The following AKT1 variants were observed in gnomAD, a reference collection of about 807,000 sequenced individuals.
AKT1 encodes AKT serine/threonine kinase 1.
In AKT1, 21 loss-of-function variants were observed where a neutral mutation model predicts 63.1. That is an observed-to-expected ratio of 0.33 (90% CI 0.24 to 0.48). The LOEUF is 0.48. AKT1 is among the 20% of genes least tolerant of loss of function. The pLI, the probability that AKT1 is intolerant of heterozygous loss-of-function variation, is 0.99. For synonymous variants in AKT1, 257 were observed against 253.1 expected, an observed-to-expected ratio of 1.02 and a Z score of -0.15; for missense variants, 382 against 666.0, an observed-to-expected ratio of 0.57 and a Z score of 4.69.
intron 13 of AKT1, chr14:104,772,152 A>T: frequency 1.7e-6 from 1 of 605,988 alleles, no homozygotes; most frequent in Non-Finnish European, 2.9e-6. Context: ...AATGAGGACC[A>T]GGCCAGTTTC....
At chr14:104,772,481 C>G in intron 12 of AKT1, 29 bp from the exon 13 acceptor site, 1 of 1,610,110 alleles carries the variant, frequency 6.2e-7, no homozygotes, top group East Asian at 2.2e-5. Context: ...GCCACAGTGT[C>G]GGTACCGCCA....
At chr14:104,779,965 C>T (rs1244367276) in intron 4 of AKT1, 123 bp downstream of exon 4, 5 of 1,406,726 alleles carry the variant, frequency 3.6e-6, no homozygotes, top group Non-Finnish European at 4.8e-6. Flanking sequence ...CCAGCCAGTG[C>T]TTGTTGCTTG....
Position 104,792,716 on chromosome 14 carries a change from A to C in AKT1, c.-73T>G, listed in dbSNP as rs2141007552. On this transcript the variant is annotated 5_prime_UTR_variant, in exon 3 of 15. Transcript: ENST00000649815. ...CTCCCCGAGCCCAGCTGGCCTGGCC[A>C]CAGCCTCTGGGAGAAGCAAAGGAAG... 1 of 1,568,810 alleles carries C rather than the reference A, an allele frequency of 6.4e-7. No homozygotes were observed. The highest frequency in any genetic ancestry group is 8.7e-7 in the Non-Finnish European group (1 of 1,150,920).
At chr14:104,772,307 G>T (rs921864039) in intron 13 of AKT1, 58 bp downstream of exon 13, 8 of 1,569,874 alleles carry the variant, frequency 5.1e-6, no homozygotes, top group Non-Finnish European at 6.1e-6. Context: ...ACGTGCATGC[G>T]TGAGTGTGGA....
chr14:104,785,521 G>A (rs1002246438), intron 3 of AKT1, among the ~76,000 whole-genome samples: 2 of 152,158 alleles, frequency 1.3e-5, no homozygotes, highest in Non-Finnish European at 1.5e-5. Context: ...CGCTCCACCT[G>A]CCTGGGCCTC....
intron 3 of AKT1, among the ~76,000 whole-genome samples, chr14:104,781,254 C>T (rs1050539048): frequency 4.6e-5 from 7 of 152,082 alleles, no homozygotes; most frequent in Admixed American, 1.3e-4. Flanking sequence ...AGGGAGGGGG[C>T]CAGGGTAAGG....
At chr14:104,793,954 C>T (rs1893757076) in intron 1 of AKT1, 1 of 152,434 alleles carries the variant, frequency 6.6e-6, no homozygotes, top group African/African-American at 2.4e-5. Flanking sequence ...CTTTCCACAG[C>T]CAGCTTAGAC....
At chr14:104,777,622 C>T (rs564531215) in intron 4 of AKT1, 49 of 991,400 alleles carry the variant, frequency 4.9e-5, no homozygotes, top group Middle Eastern at 5.1e-4. Flanking sequence ...TGGGAACGTG[C>T]GGGGCCCTGA....
At chr14:104,789,495 G>A (rs1295176294) in intron 3 of AKT1, among the ~76,000 whole-genome samples, 2 of 152,256 alleles carry the variant, frequency 1.3e-5, no homozygotes, top group Non-Finnish European at 2.9e-5. Flanking sequence ...GCCAAAGCCT[G>A]GCACGGAGCT....
At chr14:104,781,139 C>T (rs36214559) in intron 3 of AKT1, among the ~76,000 whole-genome samples, 2,608 of 152,248 alleles carry the variant, frequency 0.017, 66 homozygotes, top group East Asian at 0.1. Context: ...TACTGACACT[C>T]GGAAAAAAAT....
At chr14:104,785,439 G>A (rs1296164357) in intron 3 of AKT1, among the ~76,000 whole-genome samples, 1 of 152,212 alleles carries the variant, frequency 6.6e-6, no homozygotes, top group African/African-American at 2.4e-5. Context: ...CCCGGCACAA[G>A]CCCTTCTGAG....
Position 104,769,555 on chromosome 14 carries a change from G to A in AKT1, c.*786C>T, listed in dbSNP as rs762049014. 79 of 533,720 alleles carry A rather than the reference G, an allele frequency of 1.5e-4. 1 individual carries two copies. The highest frequency in any genetic ancestry group is 7.1e-4 in the South Asian group (46 of 65,120). 33.1% of individuals were successfully genotyped at this position (533,720 alleles called of 1,614,324 possible). A position where few individuals can be genotyped will look rare whatever the true frequency, so the allele number is the denominator to read the frequency against. On this transcript the variant is annotated 3_prime_UTR_variant, in exon 15 of 15. Transcript: ENST00000649815. ...TGGGGCGACAGCGGAAAGGTTAAGCGTCGAAAAGGTCAAGTGCTACCGTGG... is the reference window on the plus strand; with the variant it reads ...TGGGGCGACAGCGGAAAGGTTAAGCATCGAAAAGGTCAAGTGCTACCGTGG...
chr14:104,776,125 C>T (rs533902720), intron 5 of AKT1: 1 of 291,790 alleles, frequency 3.4e-6, no homozygotes, highest in Non-Finnish European at 6.4e-6. Flanking sequence ...ACTCCGCCCC[C>T]CAAGGAGGAC....
chr14:104,781,840 C>T (rs1385534590), intron 3 of AKT1, among the ~76,000 whole-genome samples: 5 of 152,144 alleles, frequency 3.3e-5, no homozygotes, highest in Non-Finnish European at 5.9e-5. Context: ...TGGAGGACGG[C>T]CAACACCCAG....
chr14:104,792,763 G>A, intron 2 of AKT1, 41 bp from the exon 3 acceptor site: 5 of 1,250,824 alleles, frequency 4.0e-6, no homozygotes, highest in Non-Finnish European at 5.8e-6. Context: ...GCCACGCCTG[G>A]CTAAGGGCAG....
At chr14:104,781,807 C>T (rs1056659719) in intron 3 of AKT1, among the ~76,000 whole-genome samples, 2 of 152,178 alleles carry the variant, frequency 1.3e-5, no homozygotes, top group African/African-American at 4.8e-5. Flanking sequence ...AGCCACAGCC[C>T]ACTCATAGCT....
rs536815262 is a variant in AKT1, at chr14:104,774,818, G to A, written c.633+120C>T. 41 of 1,119,128 alleles carry A rather than the reference G, an allele frequency of 3.7e-5. No individual in the cohort carries two copies. The Admixed American group carries it at 4.7e-4, about 13-fold the overall frequency. 69.3% of individuals were successfully genotyped at this position (1,119,128 alleles called of 1,614,324 possible). On this transcript the variant is annotated intron_variant, in intron 8 of 14. Transcript: ENST00000649815. ...AGGGCAGGCCTGTCTCACCAGCGGCGGAGTCCACGGTGTGTAAAGCCCTCA... is the reference window on the plus strand; with the variant it reads ...AGGGCAGGCCTGTCTCACCAGCGGCAGAGTCCACGGTGTGTAAAGCCCTCA...
chr14:104,773,616 C>G (rs571107606), intron 9 of AKT1, 36 bp from the exon 10 acceptor site: 2 of 1,580,844 alleles, frequency 1.3e-6, no homozygotes, highest in South Asian at 2.3e-5. Flanking sequence ...AGCCGTGGCT[C>G]GGGCCTCTGC....
At position 104,784,049 on chromosome 14, in the gene AKT1, G is replaced by A. The variant is rs537200802; in HGVS notation, c.47-3833C>T. Among the ~76,000 whole-genome samples, 3 of 152,180 alleles carry A rather than the reference G, an allele frequency of 2.0e-5. No homozygotes were observed. In the East Asian group the frequency reaches 5.8e-4, roughly 30 times the overall value. On this transcript the variant is annotated intron_variant, in intron 3 of 14. Transcript: ENST00000649815. ...TGGGCAAGGGGGAAGCAGCAGCTCC[G>A]GTCCCACCCTCCTGCCCCATGGCCG...
Sources: gnomAD v4.1 joint callset for allele counts (sites outside exome capture counted in the v4.1 genomes callset) on GRCh38, gnomAD v4.1.1 for gene constraint, MANE v1.5 for transcripts, NCBI Gene and HGNC (gene_info 2026-07-23, HGNC 2026-07-21) for gene names.